LTN1: variants seen among roughly 807,000 people sequenced by gnomAD.
LTN1 encodes listerin E3 ubiquitin protein ligase 1, also known as E3 ubiquitin-protein ligase listerin.
A neutral mutation model predicts 201.2 loss-of-function variants in LTN1; 88 were observed. The ratio of observed to expected loss-of-function variants is 0.44; its 90% CI spans 0.37 to 0.52. LTN1 has a LOEUF of 0.52. Among genes scored for constraint, LTN1 ranks in the 20% least tolerant of loss-of-function variants. The pLI is 0.00. For synonymous variants in LTN1, 645 were observed against 713.5 expected (o/e 0.90, Z 1.53); for missense variants, 1,752 against 2,038.7 (o/e 0.86, Z 2.71).
chr21:28,948,696 T>C (rs1278232439), intron 18 of LTN1, among the ~76,000 whole-genome samples: 1 of 152,216 alleles, frequency 6.6e-6, no homozygotes, highest in Non-Finnish European at 1.5e-5. Flanking sequence ...TAAATTATTC[T>C]GTTTTAAAGC....
At chr21:28,941,901 T>C (rs952544821) in intron 24 of LTN1, among the ~76,000 whole-genome samples, 2 of 123,322 alleles carry the variant, frequency 1.6e-5, no homozygotes, top group Non-Finnish European at 3.7e-5. Flanking sequence ...ATTATGTGCC[T>C]GTTTAAAAAA....
Position 28,966,853 on chromosome 21 carries a change from A to G in LTN1, c.1638T>C (p.Leu546=). The change falls in exon 10 of 30, where the codon CTT becomes CTC. Residue 546 remains leucine (L), a synonymous_variant. Coordinates refer to ENST00000361371, the MANE Select transcript of LTN1 (RefSeq NM_015565.3). ...NGKVRFADEI[L]ESNKENEKCV... Reference sequence around the variant, plus strand: ...ATTTTTCATTCTCTTTATTGCTTTCAAGTATCTCATCAGCAAATCTAACCT... The same window carrying G: ...ATTTTTCATTCTCTTTATTGCTTTCGAGTATCTCATCAGCAAATCTAACCT... 1 of 1,611,332 alleles carries G rather than the reference A, an allele frequency of 6.2e-7. No individual in the cohort carries two copies. The highest frequency in any genetic ancestry group is 2.2e-5 in the East Asian group (1 of 44,852).
intron 16 of LTN1, among the ~76,000 whole-genome samples, chr21:28,955,792 G>A (rs1214853994): frequency 6.6e-6 from 1 of 151,860 alleles, no homozygotes; most frequent in Non-Finnish European, 1.5e-5. Context: ...GCATGGTGGT[G>A]TGCGCCTGTA....
Position 28,930,404 on chromosome 21 carries a change from CT to C in LTN1, c.*43del. The C allele has an allele frequency of 1.3e-6, 2 of 1,482,908 alleles. No homozygotes were observed. The highest frequency in any genetic ancestry group is 1.9e-6 in the Non-Finnish European group (2 of 1,065,758). The allele number at this position is 1,482,908 out of a possible 1,614,324, so 91.9% of individuals were successfully genotyped here. A position where few individuals can be genotyped will look rare whatever the true frequency, so the allele number is the denominator to read the frequency against. ...TTTCAGACGGATCCAAATCCAATGCCTTTGTTTGATGTACTTCAGGGATCCC... is the reference window on the plus strand; with the variant it reads ...TTTCAGACGGATCCAAATCCAATGCCTTGTTTGATGTACTTCAGGGATCCC... On this transcript the variant is annotated 3_prime_UTR_variant, in exon 30 of 30. Coordinates refer to ENST00000361371, the MANE Select transcript of LTN1 (RefSeq NM_015565.3).
Position 28,984,842 on chromosome 21 carries a change from G to C in LTN1, c.426C>G (p.Pro142=). The C allele has an allele frequency of 1.9e-6, 3 of 1,613,888 alleles. No homozygotes were observed. Among genetic ancestry groups the C allele is most frequent in the Non-Finnish European group, 2.5e-6 (3 of 1,179,926 alleles). The part of the protein sequence containing the change: ...LILKVKKQLA[P]YLKSLMGYWL... ...AATATCCCATTAAACTTTTTAAGTA[G>C]GGAGCCAACTGTTTCTTTACTTTAA... Residue 142 remains proline, a synonymous_variant, in exon 4 of 30, where the codon CCC becomes CCG. Transcript: ENST00000361371.
chr21:28,971,136 C>T, intron 7 of LTN1, 135 bp downstream of exon 7: 3 of 654,270 alleles, frequency 4.6e-6, no homozygotes, highest in Non-Finnish European at 4.8e-6. Context: ...AAACTCTATG[C>T]CATTTTAGTC....
At position 28,989,699 on chromosome 21, in the gene LTN1, T is replaced by C. The variant is rs146209424; in HGVS notation, c.43-2765A>G. On this transcript the variant is annotated intron_variant, in intron 1 of 29. Coordinates refer to ENST00000361371, the MANE Select transcript of LTN1 (RefSeq NM_015565.3). ...TATGCTGCCATCATTCATGCCCTAGTAGCAAACTGAATTCGAAGTTCTCTG... is the reference window on the plus strand; with the variant it reads ...TATGCTGCCATCATTCATGCCCTAGCAGCAAACTGAATTCGAAGTTCTCTG... Among the ~76,000 whole-genome samples the C allele has an allele frequency of 2.9e-3, 438 of 152,276 alleles. 2 individuals carry two copies. Among genetic ancestry groups the C allele is most frequent in the African/African-American group, 0.01 (424 of 41,558 alleles).
Position 28,968,992 on chromosome 21 carries a change from G to A in LTN1, c.1311+474C>T, listed in dbSNP as rs575667279. Among the ~76,000 whole-genome samples the A allele has an allele frequency of 9.9e-5, 15 of 151,816 alleles. No individual in the cohort carries two copies. In the South Asian group the frequency reaches 1.0e-3, roughly 11 times the overall value. ...TCCCAGCACTTTGTGAAGCCGAGGC[G>A]GGTAGATCACCTGAGGTCAGCAGTT... On this transcript the variant is annotated intron_variant, in intron 9 of 29. Transcript: ENST00000361371.
intron 5 of LTN1, among the ~76,000 whole-genome samples, chr21:28,981,873 A>G (rs1390657810): frequency 6.6e-6 from 1 of 152,236 alleles, no homozygotes; most frequent in African/African-American, 2.4e-5. Flanking sequence ...TCTCACATAC[A>G]GCATTATGTT....
chr21:28,940,320 A>C (rs1020979930), intron 25 of LTN1, among the ~76,000 whole-genome samples: 5 of 152,220 alleles, frequency 3.3e-5, no homozygotes, highest in Admixed American at 1.3e-4. Flanking sequence ...GAAAAACTAG[A>C]GAGATCTTTC....
chr21:28,992,449 C>G (rs775811372), intron 1 of LTN1, among the ~76,000 whole-genome samples: 8 of 152,308 alleles, frequency 5.3e-5, no homozygotes, highest in Admixed American at 1.3e-4. Flanking sequence ...CCGCCCTCCC[C>G]CAACCAACCC....
intron 21 of LTN1, 126 bp from the exon 22 acceptor site, chr21:28,944,722 G>T: frequency 1.5e-6 from 1 of 646,288 alleles, no homozygotes; most frequent in South Asian, 2.2e-5. Context: ...GTTGAGGTGT[G>T]TAATCTCAGG....
At chr21:28,956,970 T>C in intron 15 of LTN1, 22 bp from the exon 16 acceptor site, 1 of 1,431,938 alleles carries the variant, frequency 7.0e-7, no homozygotes, top group Non-Finnish European at 9.5e-7. Flanking sequence ...ATACGTTATA[T>C]ACAAAATTAT....
chr21:28,930,803 G>C (rs1236918763), intron 29 of LTN1, among the ~76,000 whole-genome samples: 2 of 152,112 alleles, frequency 1.3e-5, no homozygotes, highest in Non-Finnish European at 2.9e-5. Flanking sequence ...TGTTTAAAAA[G>C]AGCACAGGGC....
chr21:28,959,937 G>T, intron 12 of LTN1: 1 of 332,088 alleles, frequency 3.0e-6, no homozygotes. Context: ...TTTGTACACT[G>T]AAAACCCTTT....
In LTN1 at chr21:28,959,593, C is replaced by G; in HGVS notation, c.2458G>C (p.Val820Leu). The G allele has an allele frequency of 6.2e-7, 1 of 1,614,034 alleles. No individual in the cohort carries two copies. The highest frequency in any genetic ancestry group is 8.5e-7 in the Non-Finnish European group (1 of 1,179,978). Residue 820 changes from valine (V) to leucine (L), a missense_variant, in exon 13 of 30, where the codon GTG (valine) becomes CTG (leucine). By Grantham distance (32) the Val-to-Leu change is conservative. Coordinates refer to ENST00000361371, the MANE Select transcript of LTN1 (RefSeq NM_015565.3). ...LSEAESSDSSVSFICDVAYNY... is the reference protein window; with the variant it reads ...LSEAESSDSSLSFICDVAYNY... ...TAGGCCACATCACAGATAAAAGACA[C>G]TGATGAGTCACTGCTTTCAGCTTCT...
At chr21:28,950,903 G>A (rs1309905195) in intron 18 of LTN1, among the ~76,000 whole-genome samples, 1 of 152,208 alleles carries the variant, frequency 6.6e-6, no homozygotes, top group African/African-American at 2.4e-5. Flanking sequence ...ATGGGAAGGG[G>A]AAGGGAGGTG....
In LTN1 at chr21:28,970,709, C is replaced by A; in HGVS notation, c.1018G>T (p.Val340Leu). 1 of 1,613,948 alleles carries A rather than the reference C, an allele frequency of 6.2e-7. No individual in the cohort carries two copies. Among genetic ancestry groups the A allele is most frequent in the Non-Finnish European group, 8.5e-7 (1 of 1,179,926 alleles). The change falls in exon 8 of 30, where the codon GTG becomes TTG. Residue 340 changes from valine (V) to leucine (L), a missense_variant. Coordinates refer to ENST00000361371, the MANE Select transcript of LTN1 (RefSeq NM_015565.3). The part of the protein sequence containing the change: ...CWLHVNAKKS[V>L]FPKLSTVIRE... Reference sequence around the variant, plus strand: ...ATCACAGTTGATAGCTTGGGAAACACACTCTTTTTTGCATTTACATGAAGC... The same window carrying A: ...ATCACAGTTGATAGCTTGGGAAACAAACTCTTTTTTGCATTTACATGAAGC...
In LTN1 at chr21:28,943,756, T is replaced by C. The variant is rs781525652; in HGVS notation, c.4131A>G (p.Glu1377=). The C allele has an allele frequency of 4.3e-6, 7 of 1,613,890 alleles. No homozygotes were observed. The highest frequency in any genetic ancestry group is 3.3e-5 in the Admixed American group (2 of 60,012). The part of the protein sequence containing the change: ...LVADQKTNLP[E]YLQTLLNTLA... The stretch of plus-strand genomic sequence containing the variant: ...ATGTATTTAACAAAGTCTGGAGATA[T>C]TCTGGTAAGTTTGTTTTTTGGTCAG... The change falls in exon 23 of 30, where the codon GAA becomes GAG. Residue 1377 remains glutamate, a synonymous_variant. Transcript: ENST00000361371.
Sources: allele counts gnomAD v4.1 joint callset (sites outside exome capture counted in the v4.1 genomes callset), GRCh38; gene constraint gnomAD v4.1.1; transcripts MANE v1.5; gene names NCBI Gene and HGNC (gene_info 2026-07-23, HGNC 2026-07-21).